The following IGSF3 variants were observed in gnomAD, a reference collection of about 807,000 sequenced individuals.
IGSF3 encodes immunoglobulin superfamily member 3, also known as glu-Trp-Ile EWI motif-containing protein 3.
In IGSF3, 23 loss-of-function variants were observed where a neutral mutation model predicts 114.4. The observed-to-expected ratio is 0.20, with a 90% confidence interval of 0.14 to 0.28. IGSF3 has a LOEUF of 0.28. Ranked by LOEUF, IGSF3 falls within the 10% of genes least tolerant of loss-of-function variation. IGSF3 has a pLI of 1.00. For synonymous variants in IGSF3, 571 were observed against 645.2 expected (o/e 0.88, Z 1.74); for missense variants, 1,172 against 1,591.5 (o/e 0.74, Z 4.48).
rs1648175860 is a variant in IGSF3 at position 116,642,961 on chromosome 1, C to G, written c.43+23323G>C. 6.6e-6 allele frequency among the ~76,000 whole-genome samples: 1 copy of G among 152,218 alleles called. No homozygotes were observed. The highest frequency in any genetic ancestry group is 1.5e-5 in the Non-Finnish European group (1 of 68,042). ...ATCTTCACTTGCAATACTCACTCCC[C>G]TCACCTCTGCCCCTAAAGCAATTAT... is the stretch of plus-strand genomic sequence containing the variant. On this transcript the variant is annotated intron_variant, in intron 2 of 10. Transcript: ENST00000369486. This position sits in a 1 kb window ranked among gnomAD's most constrained non-coding sequence, Gnocchi z 5.4.
rs1649403966 is a variant in IGSF3, at chr1:116,667,644, C to T, written c.-657G>A. The T allele has an allele frequency of 2.0e-5, 3 of 151,604 alleles. 1 individual carries two copies. The South Asian group carries it at 6.0e-4, about 30-fold the overall frequency. The allele number at this position is 151,604 out of a possible 1,614,324, so 9.4% of individuals were successfully genotyped here. The stretch of plus-strand genomic sequence containing the variant: ...TCGCCCCTGGCCCTCTCCCTCCGCG[C>T]GCGTCGGACCGTCCTTCAGTCCATC... On this transcript the variant is annotated 5_prime_UTR_variant, in exon 1 of 11. Coordinates refer to ENST00000369486, the MANE Select transcript of IGSF3 (RefSeq NM_001007237.3).
At position 116,615,930 on chromosome 1, in the gene IGSF3, T is replaced by G. The variant is rs1467621120; in HGVS notation, c.421+150A>C. 1 of 587,642 alleles carries G rather than the reference T, an allele frequency of 1.7e-6. No individual in the cohort carries two copies. Among genetic ancestry groups the G allele is most frequent in the African/African-American group, 1.9e-5 (1 of 53,858 alleles). 36.4% of individuals were successfully genotyped at this position (587,642 alleles called of 1,614,324 possible). ...TTATTTAGAAGTGAACACAGAAATT[T>G]AGTTTCCTTGTGCTATCTGTTGACC... On this transcript the variant is annotated intron_variant, in intron 3 of 10. Transcript: ENST00000369486. The surrounding 1 kb of genome is among the most constrained non-coding windows in gnomAD (Gnocchi z 4.3).
Position 116,585,867 on chromosome 1 carries a change from G to C in IGSF3, c.2441-815C>G, listed in dbSNP as rs975368792. On this transcript the variant is annotated intron_variant, in intron 8 of 10. Transcript: ENST00000369486. This position sits in a 1 kb window ranked among gnomAD's most constrained non-coding sequence, Gnocchi z 4.9. ...ATCGTGCCATTGCACACTCCAGCCTGTGCAACAGAGTGAGACTGTCTCAAA... is the reference window on the plus strand; with the variant it reads ...ATCGTGCCATTGCACACTCCAGCCTCTGCAACAGAGTGAGACTGTCTCAAA... Among the ~76,000 whole-genome samples, 1 of 152,206 alleles carries C rather than the reference G, an allele frequency of 6.6e-6. No homozygotes were observed. The highest frequency in any genetic ancestry group is 1.5e-5 in the Non-Finnish European group (1 of 68,048).
chr1:116,637,069 T>G (rs866913848), intron 2 of IGSF3, among the ~76,000 whole-genome samples: 2 of 152,240 alleles, frequency 1.3e-5, no homozygotes, highest in Middle Eastern at 6.8e-3. Context: ...GATCACAGAC[T>G]TTTACTCACG....
rs1659324217 is a variant in IGSF3 at position 116,575,958 on chromosome 1, T to A, written c.*1354A>T. On this transcript the variant is annotated 3_prime_UTR_variant, in exon 11 of 11. Coordinates refer to ENST00000369486, the MANE Select transcript of IGSF3 (RefSeq NM_001007237.3). This position sits in a 1 kb window ranked among gnomAD's most constrained non-coding sequence, Gnocchi z 5.6. Reference sequence around the variant, plus strand: ...CACAGACAATGCCTTGTGATCACAGTCTGCTGAGACTAGGCAAACAGAAAG... The same window carrying A: ...CACAGACAATGCCTTGTGATCACAGACTGCTGAGACTAGGCAAACAGAAAG... 1 of 152,176 alleles carries A rather than the reference T, an allele frequency of 6.6e-6. No individual in the cohort carries two copies. Among genetic ancestry groups the A allele is most frequent in the Non-Finnish European group, 1.5e-5 (1 of 68,060 alleles). The allele number at this position is 152,176 out of a possible 1,614,324, so 9.4% of individuals were successfully genotyped here.
intron 7 of IGSF3, among the ~76,000 whole-genome samples, chr1:116,591,638 G>A (rs1056672163): frequency 3.7e-4 from 56 of 152,186 alleles, no homozygotes; most frequent in Admixed American, 3.6e-3. Context: ...ACGTCTGACA[G>A]GTGGGCAAGG....
In IGSF3 at chr1:116,649,066, A is replaced by G. The variant is rs1323983285; in HGVS notation, c.43+17218T>C. On this transcript the variant is annotated intron_variant, in intron 2 of 10. Transcript: ENST00000369486. The surrounding 1 kb of genome is among the most constrained non-coding windows in gnomAD (Gnocchi z 4.5). The stretch of plus-strand genomic sequence containing the variant: ...CACATACCACCCAGACCCAACACAA[A>G]TAGCTGTCAGCACTGCCACCCATTA... Among the ~76,000 whole-genome samples the G allele has an allele frequency of 1.3e-5, 2 of 152,144 alleles. No individual in the cohort carries two copies. The highest frequency in any genetic ancestry group is 3.9e-4 in the East Asian group (2 of 5,188).
At chr1:116,658,951 G>A (rs1490808657) in intron 2 of IGSF3, among the ~76,000 whole-genome samples, 4 of 152,210 alleles carry the variant, frequency 2.6e-5, no homozygotes, top group African/African-American at 4.8e-5. Context: ...AGCCTTGGTC[G>A]TCTGGATAAT....
rs915350242 is a variant in IGSF3, at chr1:116,662,160, T to A, written c.43+4124A>T. Among the ~76,000 whole-genome samples, 1 of 151,914 alleles carries A rather than the reference T, an allele frequency of 6.6e-6. No homozygotes were observed. Among genetic ancestry groups the A allele is most frequent in the Non-Finnish European group, 1.5e-5 (1 of 67,996 alleles). ...ATCTCGGCTCACTGCAACCTCTGCCTCCTGGGTTCAAGCGATTCTCCTGCC... is the reference window on the plus strand; with the variant it reads ...ATCTCGGCTCACTGCAACCTCTGCCACCTGGGTTCAAGCGATTCTCCTGCC... On this transcript the variant is annotated intron_variant, in intron 2 of 10. Transcript: ENST00000369486. This position sits in a 1 kb window ranked among gnomAD's most constrained non-coding sequence, Gnocchi z 4.3.
At chr1:116,640,037 CAAAAAAAAAAA>C (rs34003833) in intron 2 of IGSF3, among the ~76,000 whole-genome samples, 1 of 65,292 alleles carries the variant, frequency 1.5e-5, no homozygotes, top group African/African-American at 5.6e-5. Context: ...GACTCTATCT[CAAAAAAAAAAA>C]AAAAAAAAAG....
rs1649093834 is a variant in IGSF3 at position 116,661,045 on chromosome 1, C to T, written c.43+5239G>A. 6.6e-6 allele frequency among the ~76,000 whole-genome samples: 1 copy of T among 152,156 alleles called. No homozygotes were observed. Among genetic ancestry groups the T allele is most frequent in the Non-Finnish European group, 1.5e-5 (1 of 68,034 alleles). ...TGGTAGCTCACGCCTGTAATTTCAG[C>T]ATTTTGGGAGGCCAAGGCAGGCGGA... is the stretch of plus-strand genomic sequence containing the variant. On this transcript the variant is annotated intron_variant, in intron 2 of 10. Coordinates refer to ENST00000369486, the MANE Select transcript of IGSF3 (RefSeq NM_001007237.3). The surrounding 1 kb of genome is among the most constrained non-coding windows in gnomAD (Gnocchi z 4.0).
rs1200672779 is a variant in IGSF3 at position 116,603,322 on chromosome 1, A to T, written c.1624+302T>A. 3.9e-5 allele frequency among the ~76,000 whole-genome samples: 6 copies of T among 152,156 alleles called. No individual in the cohort carries two copies. The highest frequency in any genetic ancestry group is 1.4e-4 in the African/African-American group (6 of 41,440). On this transcript the variant is annotated intron_variant, in intron 6 of 10. Transcript: ENST00000369486. This position sits in a 1 kb window ranked among gnomAD's most constrained non-coding sequence, Gnocchi z 7.1. The stretch of plus-strand genomic sequence containing the variant: ...GCTGGGTGGCTTCACTAACCTGGAT[A>T]GAGTTCTGATAACATCACTCTCTCC...
chr1:116,650,827 G>A lies in IGSF3; in HGVS notation c.43+15457C>T, dbSNP rs1271040018. Among the ~76,000 whole-genome samples, 2 of 152,178 alleles carry A rather than the reference G, an allele frequency of 1.3e-5. No individual in the cohort carries two copies. Among genetic ancestry groups the A allele is most frequent in the East Asian group, 3.9e-4 (2 of 5,194 alleles). ...ATTGGACATGTGTGCACAGAAAATG[G>A]AAAAAGAGCCATGAAATCCAAACAG... On this transcript the variant is annotated intron_variant, in intron 2 of 10. Coordinates refer to ENST00000369486, the MANE Select transcript of IGSF3 (RefSeq NM_001007237.3). This position sits in a 1 kb window ranked among gnomAD's most constrained non-coding sequence, Gnocchi z 5.0.
At chr1:116,658,292 G>A (rs554931890) in intron 2 of IGSF3, among the ~76,000 whole-genome samples, 391 of 152,088 alleles carry the variant, frequency 2.6e-3, no homozygotes, top group African/African-American at 9.0e-3. Context: ...CACCCGCCTC[G>A]GCCTCCCAAA....
rs1162304005 is a variant in IGSF3 at position 116,633,913 on chromosome 1, A to G, written c.44-17456T>C. On this transcript the variant is annotated intron_variant, in intron 2 of 10. Coordinates refer to ENST00000369486, the MANE Select transcript of IGSF3 (RefSeq NM_001007237.3). This position sits in a 1 kb window ranked among gnomAD's most constrained non-coding sequence, Gnocchi z 4.3. ...AGTCTGTAGGCTCTGCCCTCTCACAAAGGTGAGTAGATGGGTCTGGAGAGG... is the reference window on the plus strand; with the variant it reads ...AGTCTGTAGGCTCTGCCCTCTCACAGAGGTGAGTAGATGGGTCTGGAGAGG... Among the ~76,000 whole-genome samples the G allele has an allele frequency of 6.6e-6, 1 of 152,212 alleles. No homozygotes were observed. Among genetic ancestry groups the G allele is most frequent in the African/African-American group, 2.4e-5 (1 of 41,450 alleles).
chr1:116,658,440 T>A (rs1163707352), intron 2 of IGSF3, among the ~76,000 whole-genome samples: 2 of 152,062 alleles, frequency 1.3e-5, no homozygotes, highest in Admixed American at 1.3e-4. Flanking sequence ...AAATGTCTGG[T>A]GCCATTCCTG....
At chr1:116,656,754 C>T (rs972553253) in intron 2 of IGSF3, among the ~76,000 whole-genome samples, 23 of 151,950 alleles carry the variant, frequency 1.5e-4, no homozygotes, top group African/African-American at 5.3e-4. Flanking sequence ...ATGGTGAAAC[C>T]CCATCTCTAC....
chr1:116,634,782 C>T lies in IGSF3; in HGVS notation c.44-18325G>A, dbSNP rs1304391356. On this transcript the variant is annotated intron_variant, in intron 2 of 10. Transcript: ENST00000369486. This position sits in a 1 kb window ranked among gnomAD's most constrained non-coding sequence, Gnocchi z 4.2. ...CTCTGGTAGAAGTGACACTCTGTGA[C>T]CTTAAGGCTAGGTCACAAACAGGGA... 1.3e-5 allele frequency among the ~76,000 whole-genome samples: 2 copies of T among 152,064 alleles called. No homozygotes were observed. Among genetic ancestry groups the T allele is most frequent in the Non-Finnish European group, 2.9e-5 (2 of 68,036 alleles).
intron 9 of IGSF3, among the ~76,000 whole-genome samples, chr1:116,581,940 C>T (rs1659619160): frequency 6.6e-6 from 1 of 152,174 alleles, no homozygotes; most frequent in Non-Finnish European, 1.5e-5. Context: ...GCTAAGGTGT[C>T]AAGGGAGGTG....
Sources: allele counts gnomAD v4.1 joint callset (sites outside exome capture counted in the v4.1 genomes callset), GRCh38; gene constraint gnomAD v4.1.1; non-coding constraint Gnocchi (gnomAD v3.1); transcripts MANE v1.5; gene names NCBI Gene and HGNC (gene_info 2026-07-23, HGNC 2026-07-21).